The following SYT17 variants were observed in gnomAD, a reference collection of about 807,000 sequenced individuals.
The protein encoded by SYT17 is synaptotagmin 17, also known as synaptotagmin-17.
In SYT17, 22 loss-of-function variants were observed where a neutral mutation model predicts 46.7. The ratio of observed to expected loss-of-function variants is 0.47; its 90% CI spans 0.34 to 0.67. The LOEUF (loss-of-function observed/expected upper bound fraction) is 0.67. SYT17 is among the 30% of genes least tolerant of loss of function. The pLI is 0.01. For missense variants in SYT17, 519 were observed against 612.8 expected, an observed-to-expected ratio of 0.85 and a Z score of 1.62; for synonymous variants, 251 against 248.4, an observed-to-expected ratio of 1.01 and a Z score of -0.10.
At chr16:19,222,958 T>G in intron 5 of SYT17, 87 bp from the exon 6 acceptor site, 220 of 1,558,306 alleles carry the variant, frequency 1.4e-4, no homozygotes, top group Non-Finnish European at 1.7e-4. Flanking sequence ...AACCTGTTTG[T>G]GAGCTGCTGC....
chr16:19,220,973 C>G (rs1966294727), intron 5 of SYT17, among the ~76,000 whole-genome samples: 1 of 151,648 alleles, frequency 6.6e-6, no homozygotes, highest in South Asian at 2.1e-4. Context: ...AGGAGGATCA[C>G]TTGAGGCCAG....
intron 5 of SYT17, among the ~76,000 whole-genome samples, chr16:19,216,162 G>A (rs2142830895): frequency 6.6e-6 from 1 of 152,074 alleles, no homozygotes; most frequent in South Asian, 2.1e-4. Context: ...AGAGTATTGG[G>A]GCTTTAGTGA....
At position 19,249,466 on chromosome 16, in the gene SYT17, C is replaced by T. The variant is rs80319903; in HGVS notation, c.1229-17414C>T. ...TTGATTATCTATGGTGGTACTTACA[C>T]AATCATAGGCAGTGATTAAAATTCA... is the stretch of plus-strand genomic sequence containing the variant. On this transcript the variant is annotated intron_variant, in intron 7 of 7. Coordinates refer to ENST00000355377, the MANE Select transcript of SYT17 (RefSeq NM_016524.4). Among the ~76,000 whole-genome samples, 401 of 152,154 alleles carry T rather than the reference C, an allele frequency of 2.6e-3. 2 individuals carry two copies. Among genetic ancestry groups the T allele is most frequent in the Middle Eastern group, 0.01 (3 of 294 alleles).
chr16:19,266,308 T>C (rs1221906105), intron 7 of SYT17, among the ~76,000 whole-genome samples: 1 of 152,202 alleles, frequency 6.6e-6, no homozygotes, highest in Non-Finnish European at 1.5e-5. Context: ...CCGAAGACAT[T>C]TGGGGTTGTC....
At chr16:19,217,880 C>T (rs1966156481) in intron 5 of SYT17, among the ~76,000 whole-genome samples, 1 of 152,192 alleles carries the variant, frequency 6.6e-6, no homozygotes, top group Non-Finnish European at 1.5e-5. Context: ...TGTGCAGCCC[C>T]TGGAATTTTG....
intron 5 of SYT17, among the ~76,000 whole-genome samples, chr16:19,195,764 A>G (rs1197945258): frequency 6.6e-6 from 1 of 151,986 alleles, no homozygotes; most frequent in African/African-American, 2.4e-5. Flanking sequence ...CGGGGGGATT[A>G]TGTGAGTCAG....
At chr16:19,193,378 G>T (rs1965104699) in intron 5 of SYT17, among the ~76,000 whole-genome samples, 1 of 152,210 alleles carries the variant, frequency 6.6e-6, no homozygotes, top group Admixed American at 6.5e-5. Flanking sequence ...CCTAGAAGAA[G>T]AAAATATGTT....
chr16:19,182,761 A>G (rs2142574652), intron 4 of SYT17, among the ~76,000 whole-genome samples: 1 of 152,370 alleles, frequency 6.6e-6, no homozygotes, highest in Middle Eastern at 3.4e-3. Flanking sequence ...CTGCTGGTTC[A>G]TGGAAGGGAG....
At chr16:19,180,578 G>A (rs1412536597) in intron 4 of SYT17, 39 bp downstream of exon 4, 1 of 1,611,216 alleles carries the variant, frequency 6.2e-7, no homozygotes, top group Admixed American at 1.7e-5. Context: ...GGCCCTGGCT[G>A]GCTTTCCCAG....
At chr16:19,212,607 C>T (rs972116334) in intron 5 of SYT17, among the ~76,000 whole-genome samples, 7 of 151,840 alleles carry the variant, frequency 4.6e-5, no homozygotes, top group African/African-American at 1.2e-4. Context: ...AGCCACAGAG[C>T]GAGATTCCTG....
chr16:19,208,899 T>TTTTTC, intron 5 of SYT17, among the ~76,000 whole-genome samples: 1 of 133,890 alleles, frequency 7.5e-6, no homozygotes, highest in Non-Finnish European at 1.6e-5. Flanking sequence ...TTTTTTTTTT[T>TTTTTC]TTTTTTTTTT....
chr16:19,208,376 G>A (rs150975196), intron 5 of SYT17, among the ~76,000 whole-genome samples: 1 of 152,258 alleles, frequency 6.6e-6, no homozygotes, highest in Non-Finnish European at 1.5e-5. Flanking sequence ...TTGACTCACC[G>A]TTCTGCATGG....
Position 19,267,094 on chromosome 16 carries a change from G to A in SYT17, c.*18G>A. 12 of 1,398,280 alleles carry A rather than the reference G, an allele frequency of 8.6e-6. No homozygotes were observed. Among genetic ancestry groups the A allele is most frequent in the Admixed American group, 2.9e-5 (1 of 34,946 alleles). The allele number at this position is 1,398,280 out of a possible 1,614,324, so 86.6% of individuals were successfully genotyped here. On this transcript the variant is annotated 3_prime_UTR_variant, in exon 8 of 8. Coordinates refer to ENST00000355377, the MANE Select transcript of SYT17 (RefSeq NM_016524.4). ...TGACCTGAGGGCTGCAGGGAAGGCA[G>A]CTTTCATTTGTTTAAAAAAAAAAAA...
chr16:19,172,295 G>T, intron 1 of SYT17: 1 of 1,286,862 alleles, frequency 7.8e-7, no homozygotes, highest in Non-Finnish European at 9.8e-7. Context: ...AGAATTGGAA[G>T]GTAGGGCCTC....
intron 5 of SYT17, among the ~76,000 whole-genome samples, chr16:19,216,356 A>C (rs1966093251): frequency 6.6e-6 from 1 of 150,508 alleles, no homozygotes; most frequent in African/African-American, 2.5e-5. Flanking sequence ...ATTGCTGATT[A>C]ATACTTGAGC....
intron 5 of SYT17, among the ~76,000 whole-genome samples, chr16:19,187,151 C>A (rs1964821052): frequency 6.6e-6 from 1 of 152,188 alleles, no homozygotes; most frequent in Non-Finnish European, 1.5e-5. Context: ...CCTCCCACCT[C>A]AGCCTCCCGA....
In SYT17 at chr16:19,211,770, C is replaced by T. The variant is rs140077420; in HGVS notation, c.952-11275C>T. ...CCTCCCAAGTAGCTGGGACTACAGG[C>T]GCCCGCCACCAAGCCCGGCTAATAT... On this transcript the variant is annotated intron_variant, in intron 5 of 7. Coordinates refer to ENST00000355377, the MANE Select transcript of SYT17 (RefSeq NM_016524.4). 9.1e-3 allele frequency among the ~76,000 whole-genome samples: 1,384 copies of T among 151,992 alleles called. 21 individuals are homozygous for T. The highest frequency in any genetic ancestry group is 0.032 in the African/African-American group (1,323 of 41,422).
Position 19,238,343 on chromosome 16 carries a change from A to C in SYT17, c.1228+13505A>C, listed in dbSNP as rs370772782. On this transcript the variant is annotated intron_variant, in intron 7 of 7. Transcript: ENST00000355377. ...AGTGCTTGGCATAAAGCAAGGGCTC[A>C]GTTGATTGTGGTGTTGAACCTGGAT... Among the ~76,000 whole-genome samples the C allele has an allele frequency of 7.0e-4, 107 of 152,350 alleles. 1 individual carries two copies. Among genetic ancestry groups the C allele is most frequent in the African/African-American group, 2.5e-3 (103 of 41,578 alleles).
chr16:19,180,348 G>A, intron 3 of SYT17, 43 bp from the exon 4 acceptor site: 8 of 1,605,236 alleles, frequency 5.0e-6, no homozygotes, highest in Non-Finnish European at 6.8e-6. Context: ...GCCAGTCCCC[G>A]GGGATTCCTG....
Sources: gnomAD v4.1 joint callset for allele counts (sites outside exome capture counted in the v4.1 genomes callset) on GRCh38, gnomAD v4.1.1 for gene constraint, MANE v1.5 for transcripts, NCBI Gene and HGNC (gene_info 2026-07-23, HGNC 2026-07-21) for gene names.